Variants in ZNF112 observed in about 807,000 individuals in gnomAD.
ZNF112 encodes zinc finger protein 112.
ZNF112 carries 37 observed loss-of-function variants against 77.7 expected under a neutral mutation model. The ratio of observed to expected loss-of-function variants is 0.48; its 90% confidence interval spans 0.37 to 0.63. The LOEUF (loss-of-function observed/expected upper bound fraction) is 0.63, where lower values mean the gene tolerates loss of function less well. ZNF112 is among the 20% of genes least tolerant of loss of function. The pLI is 0.00. For missense variants in ZNF112, 950 were observed against 1,077.4 expected, an observed-to-expected ratio of 0.88 and a Z score of 1.66; for synonymous variants, 333 against 363.6, an observed-to-expected ratio of 0.92 and a Z score of 0.96.
intron 1 of ZNF112, among the ~76,000 whole-genome samples, chr19:44,353,735 A>ACTTTTTC (rs1472222608): frequency 6.6e-6 from 1 of 152,204 alleles, no homozygotes; most frequent in African/African-American, 2.4e-5. Context: ...TAAGGAAAAT[A>ACTTTTTC]CTAAGTGCTG....
At chr19:44,331,826 AT>A (rs2123147577) in intron 3 of ZNF112, among the ~76,000 whole-genome samples, 1 of 152,334 alleles carries the variant, frequency 6.6e-6, no homozygotes, top group African/African-American at 2.4e-5. Flanking sequence ...GGAACTGGTG[AT>A]GGTGGCAACT....
At chr19:44,342,000 T>C (rs1377126744) in intron 1 of ZNF112, among the ~76,000 whole-genome samples, 1 of 152,200 alleles carries the variant, frequency 6.6e-6, no homozygotes. Context: ...TCTTCCTGTA[T>C]GAACATGAAC....
intron 2 of ZNF112, 127 bp from the exon 3 acceptor site, chr19:44,336,845 C>T (rs1251658885): frequency 5.5e-5 from 38 of 686,454 alleles, no homozygotes; most frequent in Non-Finnish European, 8.6e-5. Context: ...TGTTACCTTC[C>T]ACTCACTATA....
chr19:44,357,691 G>C (rs997785969), upstream of ZNF112, among the ~76,000 whole-genome samples: 1 of 152,172 alleles, frequency 6.6e-6, no homozygotes, highest in Admixed American at 6.5e-5. Context: ...TAGAAGGGCT[G>C]TACTGATACA....
chr19:44,349,186 G>T (rs1970649438), intron 1 of ZNF112, among the ~76,000 whole-genome samples: 1 of 152,036 alleles, frequency 6.6e-6, no homozygotes, highest in African/African-American at 2.4e-5. Context: ...GTTCATAGGT[G>T]GCACTCTCAT....
intron 1 of ZNF112, among the ~76,000 whole-genome samples, chr19:44,344,269 G>C (rs1404688223): frequency 6.6e-6 from 1 of 152,030 alleles, no homozygotes; most frequent in African/African-American, 2.4e-5. Flanking sequence ...ACCCTGGGGA[G>C]GACTGGACAC....
At position 44,327,262 on chromosome 19, in the gene ZNF112, T is replaced by G. The variant is rs1373202134; in HGVS notation, c.*171A>C. 8.6e-6 allele frequency: 5 copies of G among 584,322 alleles called. No individual in the cohort carries two copies. The African/African-American group carries it at 9.3e-5, about 11-fold the overall frequency. The allele number at this position is 584,322 out of a possible 1,614,324, so 36.2% of individuals were successfully genotyped here. ...CCTGTGCAATGACTGATGTTAAAGT[T>G]CTAACAAAATCCCTCGTGAAACCCC... On this transcript the variant is annotated 3_prime_UTR_variant, in exon 4 of 4. Coordinates refer to ENST00000354340, the MANE Select transcript of ZNF112 (RefSeq NM_013380.4).
intron 1 of ZNF112, among the ~76,000 whole-genome samples, chr19:44,352,076 G>A (rs1200227223): frequency 5.9e-5 from 9 of 152,036 alleles, no homozygotes; most frequent in Admixed American, 5.9e-4. Context: ...CTGGGGTTAA[G>A]AGTTGGGGAA....
chr19:44,327,472 T>C lies in ZNF112; in HGVS notation c.2685A>G (p.Ser895=). ...SEDYGKDYPS[S]ENLHRNEDSV... The stretch of plus-strand genomic sequence containing the variant: ...AATCTTCATTTCTGTGTAGATTCTC[T>C]GATGAAGGGTAGTCCTTACCATAGT... The change falls in exon 4 of 4, where the codon TCA becomes TCG. Residue 895 remains serine (S), a synonymous_variant. Transcript: ENST00000354340. 1 of 1,608,372 alleles carries C rather than the reference T, an allele frequency of 6.2e-7. No homozygotes were observed. Among genetic ancestry groups the C allele is most frequent in the South Asian group, 1.1e-5 (1 of 90,306 alleles).
intron 1 of ZNF112, among the ~76,000 whole-genome samples, chr19:44,347,434 C>T (rs1970610936): frequency 6.8e-6 from 1 of 148,022 alleles, no homozygotes; most frequent in Non-Finnish European, 1.5e-5. Context: ...CCTGTTTGTC[C>T]TCCCTGATTT....
At chr19:44,359,312 GTTCTTTTTTT>G (rs1403750765), upstream of ZNF112, among the ~76,000 whole-genome samples, 692 of 101,526 alleles carry the variant, frequency 6.8e-3, 13 homozygotes, top group African/African-American at 0.026. Flanking sequence ...ATATATTAGA[GTTCTTTTTTT>G]TTTTTTTTTT....
intron 2 of ZNF112, among the ~76,000 whole-genome samples, chr19:44,338,991 G>T (rs547293028): frequency 6.6e-6 from 1 of 152,246 alleles, no homozygotes; most frequent in South Asian, 2.1e-4. Context: ...AATCTGGGAG[G>T]CAGAGGATTC....
At chr19:44,350,479 A>T (rs1970671912) in intron 1 of ZNF112, among the ~76,000 whole-genome samples, 1 of 152,078 alleles carries the variant, frequency 6.6e-6, no homozygotes, top group South Asian at 2.1e-4. Flanking sequence ...ACTGAATGAC[A>T]TTGGAAATTA....
intron 2 of ZNF112, among the ~76,000 whole-genome samples, chr19:44,338,634 C>T (rs113484295): frequency 7.2e-5 from 11 of 152,048 alleles, no homozygotes; most frequent in African/African-American, 2.4e-4. Flanking sequence ...GAGGTGATAG[C>T]GTTCTTCAAA....
upstream of ZNF112, among the ~76,000 whole-genome samples, chr19:44,358,139 G>A (rs57706678): frequency 0.052 from 5,577 of 107,034 alleles, 299 homozygotes; most frequent in African/African-American, 0.16. Context: ...GCAACAGAGC[G>A]AGACTCCGTC....
chr19:44,363,975 T>A (rs1307076018), intron 1 of ZNF112, among the ~76,000 whole-genome samples: 2 of 152,138 alleles, frequency 1.3e-5, no homozygotes, highest in Non-Finnish European at 2.9e-5. Flanking sequence ...GGTGGCATGA[T>A]CTTGGCTCAC....
intron 3 of ZNF112, among the ~76,000 whole-genome samples, chr19:44,334,885 A>G (rs574223076): frequency 6.7e-4 from 102 of 152,378 alleles, no homozygotes; most frequent in South Asian, 3.3e-3. Flanking sequence ...GAGAACCTCT[A>G]CTAGGTCAAT....
chr19:44,366,093 TA>T (rs1483867842), intron 1 of ZNF112, among the ~76,000 whole-genome samples: 1 of 152,196 alleles, frequency 6.6e-6, no homozygotes, highest in Admixed American at 6.5e-5. Flanking sequence ...CTCTCGCTTG[TA>T]ACCCCAGCAC....
chr19:44,337,044 A>G (rs1970382243), intron 2 of ZNF112, among the ~76,000 whole-genome samples: 2 of 150,556 alleles, frequency 1.3e-5, no homozygotes, highest in South Asian at 4.2e-4. Context: ...TGCCCAGCTA[A>G]ATTTTTTGTA....
Sources: gnomAD v4.1 joint callset for allele counts (sites outside exome capture counted in the v4.1 genomes callset) on GRCh38, gnomAD v4.1.1 for gene constraint, MANE v1.5 for transcripts, NCBI Gene and HGNC (gene_info 2026-07-23, HGNC 2026-07-21) for gene names.